Variants in TC2N observed in about 807,000 individuals in gnomAD.
TC2N encodes tandem C2 domains, nuclear.
TC2N carries 51 observed loss-of-function variants against 61.9 expected under a neutral mutation model. The ratio of observed to expected loss-of-function variants is 0.82; its 90% CI spans 0.66 to 1.04. The LOEUF (loss-of-function observed/expected upper bound fraction) is 1.04. TC2N is among the 50% of genes least tolerant of loss of function. The probability of loss-of-function intolerance (pLI) is 0.00; values close to 1 mark genes in which losing one functional copy is unlikely to be tolerated. For missense variants in TC2N, 556 were observed against 566.7 expected (o/e 0.98, Z 0.19); for synonymous variants, 204 against 192.6 (o/e 1.06, Z -0.49).
At chr14:91,806,083 C>T (rs1200437867) in intron 3 of TC2N, among the ~76,000 whole-genome samples, 1 of 151,190 alleles carries the variant, frequency 6.6e-6, no homozygotes, top group Non-Finnish European at 1.5e-5. Context: ...AAGGGGTTTC[C>T]CCTTTTGCTT....
chr14:91,866,148 C>G (rs533957322), intron 1 of TC2N: 6 of 152,268 alleles, frequency 3.9e-5, no homozygotes, highest in African/African-American at 1.4e-4. Context: ...GTCAAGTCTT[C>G]TCTCTGTGGG....
At chr14:91,850,171 A>G (rs1287082526) in intron 1 of TC2N, among the ~76,000 whole-genome samples, 2 of 104,020 alleles carry the variant, frequency 1.9e-5, no homozygotes, top group African/African-American at 5.8e-5. Flanking sequence ...CCTGAGCCTC[A>G]ATCTCTTTCC....
At position 91,781,550 on chromosome 14, in the gene TC2N, T is replaced by A. The variant is rs1312464521; in HGVS notation, c.*1550A>T. 1.4e-5 allele frequency: 2 copies of A among 147,886 alleles called. No homozygotes were observed. Among genetic ancestry groups the A allele is most frequent in the African/African-American group, 5.0e-5 (2 of 40,342 alleles). 9.2% of individuals were successfully genotyped at this position (147,886 alleles called of 1,614,324 possible). The stretch of plus-strand genomic sequence containing the variant: ...TTTTTCTGTTAACCTACAACTGCTC[T>A]AAAAAAAAAAGTCTATTTTTAAAAA... On this transcript the variant is annotated 3_prime_UTR_variant, in exon 12 of 12. Transcript: ENST00000435962.
chr14:91,827,926 C>T (rs1228150618), intron 1 of TC2N, among the ~76,000 whole-genome samples: 1 of 152,174 alleles, frequency 6.6e-6, no homozygotes, highest in Non-Finnish European at 1.5e-5. Context: ...CATCATTGCA[C>T]ATATTTTGAT....
In TC2N at chr14:91,781,205, G is replaced by A. The variant is rs140899479; in HGVS notation, c.*1895C>T. ...GCTTTTAAAATAAACAATAAAGCCC[G>A]TTATTTATTATCTAAAAGCCAGTAA... is the stretch of plus-strand genomic sequence containing the variant. On this transcript the variant is annotated 3_prime_UTR_variant, in exon 12 of 12. Transcript: ENST00000435962. 4.6e-5 allele frequency: 7 copies of A among 152,156 alleles called. No homozygotes were observed. The highest frequency in any genetic ancestry group is 1.3e-4 in the Admixed American group (2 of 15,286). 9.4% of individuals were successfully genotyped at this position (152,156 alleles called of 1,614,324 possible).
chr14:91,853,960 T>C lies in TC2N; in HGVS notation c.-57+13302A>G, dbSNP rs528385931. Among the ~76,000 whole-genome samples, 35 of 152,212 alleles carry C rather than the reference T, an allele frequency of 2.3e-4. 1 individual carries two copies. The Middle Eastern group carries it at 0.01, about 44-fold the overall frequency. ...TGAGTTTCAAAATATTCGTGTAACC[T>C]AGTAAGAATATTTCTCTGAATCCAG... On this transcript the variant is annotated intron_variant, in intron 1 of 11. Transcript: ENST00000435962.
intron 1 of TC2N, among the ~76,000 whole-genome samples, chr14:91,838,376 C>T (rs61155702): frequency 1.8e-4 from 27 of 152,178 alleles, no homozygotes; most frequent in African/African-American, 6.0e-4. Flanking sequence ...AAACTCCTGG[C>T]TTCAAGCAAT....
chr14:91,848,365 T>G (rs1888308701), intron 1 of TC2N, among the ~76,000 whole-genome samples: 1 of 152,174 alleles, frequency 6.6e-6, no homozygotes, highest in African/African-American at 2.4e-5. Context: ...GGTAAGCCAG[T>G]CGAGGGTCTA....
At chr14:91,791,160 AGGGAAGGGAAGGGAAAGGAGG>A in intron 9 of TC2N, among the ~76,000 whole-genome samples, 1 of 63,286 alleles carries the variant, frequency 1.6e-5, no homozygotes, top group Non-Finnish European at 3.3e-5. Flanking sequence ...AGGGAGGGGA[AGGGAAGGGAAGGGAAAGGAGG>A]GGAGGGGAGG....
intron 3 of TC2N, among the ~76,000 whole-genome samples, chr14:91,806,938 C>G (rs923114294): frequency 1.3e-5 from 2 of 152,150 alleles, no homozygotes; most frequent in Admixed American, 1.3e-4. Context: ...AGGCCCAGGG[C>G]CCCCCTGTTG....
intron 11 of TC2N, among the ~76,000 whole-genome samples, chr14:91,784,486 A>G (rs1030459630): frequency 7.2e-5 from 11 of 152,196 alleles, no homozygotes; most frequent in African/African-American, 1.9e-4. Context: ...TATCTTGTCA[A>G]GTTGAAGCTT....
chr14:91,819,720 T>C (rs1887161326), intron 1 of TC2N, among the ~76,000 whole-genome samples: 1 of 152,120 alleles, frequency 6.6e-6, no homozygotes, highest in Non-Finnish European at 1.5e-5. Flanking sequence ...AAAAGGTTTG[T>C]AACATATGTA....
At chr14:91,813,675 A>T in intron 2 of TC2N, 28 bp downstream of exon 2, 1 of 1,486,590 alleles carries the variant, frequency 6.7e-7, no homozygotes, top group Non-Finnish European at 9.4e-7. Context: ...TGCTACATAA[A>T]TGTTACTGAA....
At chr14:91,846,938 A>C (rs545526793) in intron 1 of TC2N, among the ~76,000 whole-genome samples, 3 of 152,276 alleles carry the variant, frequency 2.0e-5, no homozygotes, top group African/African-American at 7.2e-5. Flanking sequence ...CCAAATAAAT[A>C]ACAGAAAACC....
At chr14:91,839,528 T>C (rs185011996) in intron 1 of TC2N, among the ~76,000 whole-genome samples, 3 of 152,352 alleles carry the variant, frequency 2.0e-5, no homozygotes, top group Admixed American at 2.0e-4. Flanking sequence ...GAATGATGAC[T>C]TCCACCTCTA....
intron 5 of TC2N, among the ~76,000 whole-genome samples, chr14:91,799,906 T>C (rs1179710308): frequency 6.6e-6 from 1 of 152,122 alleles, no homozygotes; most frequent in East Asian, 1.9e-4. Context: ...AGTGTTAACA[T>C]CAGTGAATAA....
intron 1 of TC2N, among the ~76,000 whole-genome samples, chr14:91,851,675 C>T (rs1417618511): frequency 1.3e-5 from 2 of 152,220 alleles, no homozygotes; most frequent in East Asian, 3.8e-4. Flanking sequence ...TTCTTTTTCT[C>T]TTCCCAAATG....
rs546560374 is a variant in TC2N, at chr14:91,800,267, T to G, written c.561+14A>C. The G allele has an allele frequency of 1.4e-5, 21 of 1,494,730 alleles. No individual in the cohort carries two copies. The South Asian group carries it at 2.3e-4, about 17-fold the overall frequency. 92.6% of individuals were successfully genotyped at this position (1,494,730 alleles called of 1,614,324 possible). ...AAATTATCACATATAATTAAATTTATGTAGATAATTCACCTGGATGAATCG... is the reference window on the plus strand; with the variant it reads ...AAATTATCACATATAATTAAATTTAGGTAGATAATTCACCTGGATGAATCG... On this transcript the variant is annotated intron_variant, in intron 5 of 11. Coordinates refer to ENST00000435962, the MANE Select transcript of TC2N (RefSeq NM_001128596.3).
At chr14:91,814,571 G>A (rs1484209070) in intron 1 of TC2N, among the ~76,000 whole-genome samples, 1 of 150,358 alleles carries the variant, frequency 6.7e-6, no homozygotes, top group Non-Finnish European at 1.5e-5. Context: ...TGGAGAAAGA[G>A]GTAAGAAAAG....
Sources: gnomAD v4.1 joint callset for allele counts (sites outside exome capture counted in the v4.1 genomes callset) on GRCh38, gnomAD v4.1.1 for gene constraint, MANE v1.5 for transcripts, NCBI Gene and HGNC (gene_info 2026-07-23, HGNC 2026-07-21) for gene names.